The following ING3 variants were observed in gnomAD, a reference collection of about 807,000 sequenced individuals.
ING3 encodes inhibitor of growth family member 3.
Under a neutral mutation model 64.8 loss-of-function variants are expected in ING3, and 6 were observed. The ratio of observed to expected loss-of-function variants is 0.09; its 90% CI spans 0.05 to 0.18. The LOEUF (loss-of-function observed/expected upper bound fraction) is 0.18, where lower values mean the gene tolerates loss of function less well. Among genes scored for constraint, ING3 ranks in the 10% least tolerant of loss-of-function variants. The pLI is 1.00. For missense variants in ING3, 310 were observed against 489.7 expected (o/e 0.63, Z 3.46); for synonymous variants, 170 against 173.7 (o/e 0.98, Z 0.17).
At chr7:120,966,953 A>C (rs907325181) in intron 6 of ING3, among the ~76,000 whole-genome samples, 1 of 152,198 alleles carries the variant, frequency 6.6e-6, no homozygotes, top group African/African-American at 2.4e-5. Flanking sequence ...TCATACACAT[A>C]CCTGATTCTC....
intron 2 of ING3, among the ~76,000 whole-genome samples, chr7:120,951,957 T>G (rs1795772860): frequency 6.6e-6 from 1 of 152,226 alleles, no homozygotes; most frequent in Non-Finnish European, 1.5e-5. Context: ...GACCACCTGC[T>G]GCAGCTAAGA....
intron 11 of ING3, 30 bp from the exon 12 acceptor site, chr7:120,974,698 A>G (rs1206738064): frequency 1.5e-6 from 2 of 1,351,622 alleles, no homozygotes; most frequent in Non-Finnish European, 2.1e-6. Context: ...GAAGTACTGA[A>G]AACTTGTTTT....
At chr7:120,969,856 A>AT (rs1212662257) in intron 9 of ING3, among the ~76,000 whole-genome samples, 2 of 152,192 alleles carry the variant, frequency 1.3e-5, no homozygotes, top group Non-Finnish European at 2.9e-5. Flanking sequence ...AATATGTTAT[A>AT]TTTTTTGTGA....
intron 10 of ING3, 78 bp downstream of exon 10, chr7:120,970,958 T>C: frequency 7.5e-7 from 1 of 1,325,356 alleles, no homozygotes; most frequent in Non-Finnish European, 1.1e-6. Context: ...TTAAGCACTT[T>C]TTTAAACTCA....
rs530995048 is a variant in ING3 at position 120,950,864 on chromosome 7, G to A, written c.-33G>A. 3.7e-6 allele frequency: 6 copies of A among 1,613,166 alleles called. No homozygotes were observed. The Admixed American group carries it at 5.0e-5, about 13-fold the overall frequency. The stretch of plus-strand genomic sequence containing the variant: ...AGCGAGTGACACAAATAAACCCCTG[G>A]ACCCCCTTGTTCCCTCAGCTCTAAG... On this transcript the variant is annotated 5_prime_UTR_variant, in exon 1 of 12. Transcript: ENST00000315870.
intron 11 of ING3, 121 bp downstream of exon 11, chr7:120,973,364 T>C (rs1437096008): frequency 9.0e-6 from 6 of 666,442 alleles, no homozygotes; most frequent in African/African-American, 1.8e-5. Flanking sequence ...ATATTAGTTA[T>C]ATTATGCTAA....
At chr7:120,965,824 T>G (rs1351709448) in intron 5 of ING3, among the ~76,000 whole-genome samples, 10 of 152,192 alleles carry the variant, frequency 6.6e-5, no homozygotes, top group Admixed American at 6.5e-4. Context: ...ACTTTTCTTC[T>G]GGAGGAACCC....
At chr7:120,952,136 G>T (rs1237542107) in intron 2 of ING3, among the ~76,000 whole-genome samples, 1 of 152,228 alleles carries the variant, frequency 6.6e-6, no homozygotes, top group East Asian at 1.9e-4. Flanking sequence ...AGTATGAATT[G>T]TGTGTGTGGT....
At chr7:120,960,277 G>C (rs911959771) in intron 4 of ING3, among the ~76,000 whole-genome samples, 1 of 152,178 alleles carries the variant, frequency 6.6e-6, no homozygotes, top group Non-Finnish European at 1.5e-5. Flanking sequence ...ATGAAAGGAA[G>C]CAGGCAGGAG....
In ING3 at chr7:120,976,177, A is replaced by G. The variant is rs1366437960; in HGVS notation, c.*1333A>G. 6.6e-6 allele frequency: 1 copy of G among 152,174 alleles called. No homozygotes were observed. Among genetic ancestry groups the G allele is most frequent in the African/African-American group, 2.4e-5 (1 of 41,458 alleles). The allele number at this position is 152,174 out of a possible 1,614,324, so 9.4% of individuals were successfully genotyped here. ...TAGTGGAGGTTTTATTTAAAGTATA[A>G]TATTGAGTCTGGTCGATAGAAAAAT... On this transcript the variant is annotated 3_prime_UTR_variant, in exon 12 of 12. Coordinates refer to ENST00000315870, the MANE Select transcript of ING3 (RefSeq NM_019071.3).
chr7:120,969,335 A>G, intron 9 of ING3, 131 bp downstream of exon 9: 1 of 541,008 alleles, frequency 1.8e-6, no homozygotes, highest in East Asian at 3.3e-5. Flanking sequence ...GTAGGGAGAC[A>G]TGCGGTTTTC....
At chr7:120,971,510 G>T (rs1163872295) in intron 10 of ING3, among the ~76,000 whole-genome samples, 1 of 152,150 alleles carries the variant, frequency 6.6e-6, no homozygotes, top group Non-Finnish European at 1.5e-5. Flanking sequence ...TGTCTATGCA[G>T]ATTTGCACAT....
At chr7:120,962,362 T>C (rs1384770380) in intron 4 of ING3, among the ~76,000 whole-genome samples, 5 of 151,984 alleles carry the variant, frequency 3.3e-5, no homozygotes, top group Admixed American at 2.6e-4. Context: ...TGGTTAAGGC[T>C]TTTCTGTCTT....
At position 120,967,928 on chromosome 7, in the gene ING3, A is replaced by G; in HGVS notation, c.557-6A>G. ...CCATTTTTATTTCTTTTTTACATCT[A>G]CACAGGTTGTCGAAATAATAATTCC... On this transcript the variant is annotated splice_polypyrimidine_tract_variant and splice_region_variant and intron_variant, in intron 7 of 11. Transcript: ENST00000315870. The G allele has an allele frequency of 1.2e-6, 2 of 1,613,810 alleles. No individual in the cohort carries two copies. The highest frequency in any genetic ancestry group is 1.7e-6 in the Non-Finnish European group (2 of 1,179,744).
intron 3 of ING3, 121 bp from the exon 4 acceptor site, chr7:120,955,438 T>A (rs1795831666): frequency 1.4e-6 from 1 of 691,350 alleles, no homozygotes; most frequent in Non-Finnish European, 2.4e-6. Context: ...ACAGGTTTTT[T>A]ATTACTAAGG....
At chr7:120,968,383 A>G (rs985330900) in intron 8 of ING3, among the ~76,000 whole-genome samples, 2 of 152,152 alleles carry the variant, frequency 1.3e-5, no homozygotes, top group Non-Finnish European at 2.9e-5. Context: ...ACATGCTAGC[A>G]TAGTTCTTCG....
At chr7:120,972,959 G>A (rs1796088850) in intron 10 of ING3, among the ~76,000 whole-genome samples, 1 of 152,140 alleles carries the variant, frequency 6.6e-6, no homozygotes, top group African/African-American at 2.4e-5. Flanking sequence ...TCATCCGGGT[G>A]ATTTATATGT....
chr7:120,964,254 T>C (rs1030541804), intron 4 of ING3, among the ~76,000 whole-genome samples: 1 of 152,168 alleles, frequency 6.6e-6, no homozygotes, highest in African/African-American at 2.4e-5. Context: ...CTTAGAGTAA[T>C]AGATGTATAG....
Position 120,969,101 on chromosome 7 carries a change from G to A in ING3, c.805G>A (p.Ala269Thr). The A allele has an allele frequency of 6.2e-7, 1 of 1,613,980 alleles. No individual in the cohort carries two copies. Among genetic ancestry groups the A allele is most frequent in the Non-Finnish European group, 8.5e-7 (1 of 1,179,900 alleles). The change falls in exon 9 of 12, where the codon GCC becomes ACC. Residue 269 changes from alanine (A) to threonine (T), a missense_variant. Ala to Thr is a moderately conservative substitution (Grantham distance 58). Transcript: ENST00000315870. The stretch of plus-strand genomic sequence containing the variant: ...TCAGTTGGGAAAAGAATTTTCAATG[G>A]CCAGGGAAACAGTTGGCTATTCATC... ...DFQLGKEFSMARETVGYSSSS... is the reference protein window; with the variant it reads ...DFQLGKEFSMTRETVGYSSSS...
Sources: allele counts gnomAD v4.1 joint callset (sites outside exome capture counted in the v4.1 genomes callset), GRCh38; gene constraint gnomAD v4.1.1; transcripts MANE v1.5; gene names NCBI Gene and HGNC (gene_info 2026-07-23, HGNC 2026-07-21).